Variants in TLK1 observed in about 807,000 individuals in gnomAD.
The protein encoded by TLK1 is serine/threonine-protein kinase tousled-like 1.
TLK1 carries 24 observed loss-of-function variants against 105.3 expected under a neutral mutation model. The ratio of observed to expected loss-of-function variants is 0.23; its 90% confidence interval spans 0.17 to 0.32. The LOEUF (loss-of-function observed/expected upper bound fraction) is 0.32, where lower values mean the gene tolerates loss of function less well. Ranked by LOEUF, TLK1 falls within the 10% of genes least tolerant of loss-of-function variation. The probability of loss-of-function intolerance (pLI) is 1.00; values close to 1 mark genes in which losing one functional copy is unlikely to be tolerated. For missense variants in TLK1, 558 were observed against 910.5 expected (o/e 0.61, Z 4.98); for synonymous variants, 321 against 310.4 (o/e 1.03, Z -0.36).
chr2:171,120,501 A>T (rs1024731616), intron 1 of TLK1, among the ~76,000 whole-genome samples: 6 of 152,226 alleles, frequency 3.9e-5, no homozygotes, highest in Non-Finnish European at 8.8e-5. Flanking sequence ...AAATTTTTCC[A>T]AAGAAGATAT....
At chr2:171,076,717 G>A (rs138474543) in intron 3 of TLK1, among the ~76,000 whole-genome samples, 11 of 147,492 alleles carry the variant, frequency 7.5e-5, no homozygotes, top group African/African-American at 2.8e-4. Flanking sequence ...GACTAACACG[G>A]TGAAACTCCA....
intron 3 of TLK1, among the ~76,000 whole-genome samples, chr2:171,064,790 A>G (rs1003479057): frequency 6.6e-6 from 1 of 152,196 alleles, no homozygotes; most frequent in Admixed American, 6.5e-5. Flanking sequence ...TAGATTTGTA[A>G]TCATACCAAA....
intron 3 of TLK1, among the ~76,000 whole-genome samples, chr2:171,070,055 G>C (rs1284045359): frequency 2.0e-5 from 3 of 152,090 alleles, no homozygotes; most frequent in Non-Finnish European, 4.4e-5. Context: ...TATTTACTGA[G>C]CACCTATTAT....
chr2:171,051,905 T>C lies in TLK1; in HGVS notation c.733-1731A>G, dbSNP rs144449005. On this transcript the variant is annotated intron_variant, in intron 8 of 20. Transcript: ENST00000431350. The stretch of plus-strand genomic sequence containing the variant: ...GGGGATGAACAACTGGTTATCCATA[T>C]AGAAAGAAATTGAAATGAAACCCTA... Among the ~76,000 whole-genome samples, 136 of 152,272 alleles carry C rather than the reference T, an allele frequency of 8.9e-4. 2 individuals are homozygous for C. The highest frequency in any genetic ancestry group is 2.7e-3 in the Admixed American group (42 of 15,296).
Position 171,160,863 on chromosome 2 carries a change from G to T in TLK1, c.-435C>A. 1 of 307,726 alleles carries T rather than the reference G, an allele frequency of 3.2e-6. No individual in the cohort carries two copies. The highest frequency in any genetic ancestry group is 5.9e-6 in the Non-Finnish European group (1 of 170,730). The allele number at this position is 307,726 out of a possible 1,614,324, so 19.1% of individuals were successfully genotyped here. A position where few individuals can be genotyped will look rare whatever the true frequency, so the allele number is the denominator to read the frequency against. ...GGGAGGCGGCGGCGGCGGGCTGTGG[G>T]TGGCGGCTGAGGCGGTGGGGTAACC... On this transcript the variant is annotated 5_prime_UTR_variant, in exon 1 of 21. Transcript: ENST00000431350. This position sits in a 1 kb window ranked among gnomAD's most constrained non-coding sequence, Gnocchi z 4.4.
intron 19 of TLK1, among the ~76,000 whole-genome samples, chr2:170,996,999 A>G (rs1263311778): frequency 6.6e-6 from 1 of 152,250 alleles, no homozygotes; most frequent in Non-Finnish European, 1.5e-5. Context: ...GAAGAAGAAA[A>G]TAATGCTGTT....
At chr2:171,158,832 A>C (rs1692335844) in intron 1 of TLK1, among the ~76,000 whole-genome samples, 1 of 152,248 alleles carries the variant, frequency 6.6e-6, no homozygotes, top group Non-Finnish European at 1.5e-5. Flanking sequence ...TTTAATAAAT[A>C]AACTTCTATA....
chr2:171,061,272 G>A (rs1687735476), intron 3 of TLK1, 116 bp from the exon 4 acceptor site: 1 of 793,472 alleles, frequency 1.3e-6, no homozygotes, highest in Non-Finnish European at 2.0e-6. Flanking sequence ...GTGCTCAAGA[G>A]ATGTTAATAT....
chr2:171,148,170 A>G (rs1438160760), intron 1 of TLK1, among the ~76,000 whole-genome samples: 1 of 152,136 alleles, frequency 6.6e-6, no homozygotes, highest in Non-Finnish European at 1.5e-5. Flanking sequence ...TATTACAGGC[A>G]TGAGCCACCA....
rs938255410 is a variant in TLK1 at position 171,055,006 on chromosome 2, C to T, written c.639+77G>A. The stretch of plus-strand genomic sequence containing the variant: ...GCTTTATGACTACATATAAAACAAA[C>T]AGACATCTTAGTTGTTAGTAAGTTA... On this transcript the variant is annotated intron_variant, in intron 7 of 20. Transcript: ENST00000431350. 55 of 780,328 alleles carry T rather than the reference C, an allele frequency of 7.0e-5. No homozygotes were observed. In the African/African-American group the frequency reaches 9.0e-4, roughly 13 times the overall value. 48.3% of individuals were successfully genotyped at this position (780,328 alleles called of 1,614,324 possible). A position where few individuals can be genotyped will look rare whatever the true frequency, so the allele number is the denominator to read the frequency against.
At chr2:171,156,176 T>A (rs192827984) in intron 1 of TLK1, among the ~76,000 whole-genome samples, 3 of 152,200 alleles carry the variant, frequency 2.0e-5, no homozygotes. Flanking sequence ...TATATCTACA[T>A]GAAGCTGGAT....
At chr2:171,151,711 G>A (rs973453422) in intron 1 of TLK1, among the ~76,000 whole-genome samples, 15 of 151,316 alleles carry the variant, frequency 9.9e-5, no homozygotes, top group African/African-American at 2.7e-4. Flanking sequence ...TCCTGACCTC[G>A]TGATCCGCCC....
At chr2:171,026,372 AAACC>A (rs1685774218) in intron 12 of TLK1, among the ~76,000 whole-genome samples, 1 of 152,162 alleles carries the variant, frequency 6.6e-6, no homozygotes, top group Non-Finnish European at 1.5e-5. Flanking sequence ...GAAAGCTTTA[AAACC>A]AACCAACCAA....
At chr2:171,040,269 T>C (rs1686597779) in intron 11 of TLK1, among the ~76,000 whole-genome samples, 1 of 152,090 alleles carries the variant, frequency 6.6e-6, no homozygotes, top group Non-Finnish European at 1.5e-5. Flanking sequence ...TTTAGAAAAA[T>C]CAGTTATACA....
Position 171,160,217 on chromosome 2 carries a change from CG to C in TLK1, c.139+72del, listed in dbSNP as rs377552379. The C allele has an allele frequency of 0.064, 59,149 of 930,026 alleles. 3,589 individuals carry two copies. The highest frequency in any genetic ancestry group is 0.33 in the East Asian group (8,452 of 25,518). 57.6% of individuals were successfully genotyped at this position (930,026 alleles called of 1,614,324 possible). ...CGGAGAAGCCCCGGGGCGGGGGGGG[CG>C]GGGGGGGGGCGCGGGGGTCCGCGGC... is the stretch of plus-strand genomic sequence containing the variant. On this transcript the variant is annotated intron_variant, in intron 1 of 20. Transcript: ENST00000431350. The surrounding 1 kb of genome is among the most constrained non-coding windows in gnomAD (Gnocchi z 4.4).
At chr2:171,207,738 A>G (rs1693532400) in intron 1 of TLK1, among the ~76,000 whole-genome samples, 1 of 152,104 alleles carries the variant, frequency 6.6e-6, no homozygotes, top group Non-Finnish European at 1.5e-5. Context: ...ATGATACAGG[A>G]TTGAATCACT....
intron 1 of TLK1, among the ~76,000 whole-genome samples, chr2:171,224,703 C>T (rs967234685): frequency 6.6e-6 from 1 of 152,056 alleles, no homozygotes; most frequent in Non-Finnish European, 1.5e-5. Flanking sequence ...ATTTGACAAA[C>T]TCATCCTAAA....
intron 2 of TLK1, among the ~76,000 whole-genome samples, chr2:171,094,939 G>A (rs1575592039): frequency 6.6e-6 from 1 of 152,046 alleles, no homozygotes; most frequent in Non-Finnish European, 1.5e-5. Context: ...GGGAGAAGAG[G>A]GTAGCAGATA....
intron 11 of TLK1, among the ~76,000 whole-genome samples, chr2:171,040,988 T>G (rs1686648489): frequency 6.6e-6 from 1 of 152,218 alleles, no homozygotes; most frequent in Non-Finnish European, 1.5e-5. Flanking sequence ...GCAGTCACCC[T>G]CTGTGAAACA....
Sources: gnomAD v4.1 joint callset for allele counts (sites outside exome capture counted in the v4.1 genomes callset) on GRCh38, gnomAD v4.1.1 for gene constraint, Gnocchi (gnomAD v3.1) non-coding constraint, MANE v1.5 for transcripts, NCBI Gene and HGNC (gene_info 2026-07-23, HGNC 2026-07-21) for gene names.